Variants in MRPL32 observed in about 807,000 individuals in gnomAD.
MRPL32 encodes large ribosomal subunit protein bL32m.
A neutral mutation model predicts 21.7 loss-of-function variants in MRPL32; 14 were observed. The ratio of observed to expected loss-of-function variants is 0.64; its 90% CI spans 0.43 to 1.01. The LOEUF (loss-of-function observed/expected upper bound fraction) is 1.01. Among genes scored for constraint, MRPL32 ranks in the 50% least tolerant of loss-of-function variants. MRPL32 has a pLI of 0.00. For synonymous variants in MRPL32, 83 were observed against 87.7 expected, an observed-to-expected ratio of 0.95 and a Z score of 0.30; for missense variants, 211 against 235.9, an observed-to-expected ratio of 0.89 and a Z score of 0.69.
Position 42,934,267 on chromosome 7 carries a change from C to CA in MRPL32, c.131-671dup, listed in dbSNP as rs3028763. Among the ~76,000 whole-genome samples, 37 of 124,846 alleles carry CA rather than the reference C, an allele frequency of 3.0e-4. No individual in the cohort carries two copies. The East Asian group carries it at 6.3e-3, about 21-fold the overall frequency. The allele number at this position is 124,846 out of a possible 152,430, so 81.9% of individuals were successfully genotyped here. On this transcript the variant is annotated intron_variant, in intron 1 of 2. Coordinates refer to ENST00000223324, the MANE Select transcript of MRPL32 (RefSeq NM_031903.3). ...TGAGTGACAGAGTGAGACTCAGTCT[C>CA]AAAAAAAAAAAAAAAAAGTATGGCA...
intron 2 of MRPL32, chr7:42,936,182 C>G (rs529598487): frequency 6.6e-6 from 1 of 152,280 alleles, no homozygotes; most frequent in Non-Finnish European, 1.5e-5. Context: ...TAAATTTGCT[C>G]AAGAGGACGT....
At chr7:42,937,066 C>G (rs1786437271) in intron 2 of MRPL32, 2 of 690,642 alleles carry the variant, frequency 2.9e-6, no homozygotes, top group Admixed American at 4.6e-5. Flanking sequence ...TTTTACATAA[C>G]TACAACTGCT....
chr7:42,937,577 C>T lies in MRPL32; in HGVS notation c.*1C>T. On this transcript the variant is annotated 3_prime_UTR_variant, in exon 3 of 3. Coordinates refer to ENST00000223324, the MANE Select transcript of MRPL32 (RefSeq NM_031903.3). ...ACCATCCTGGTTCACCCAGAATTGA[C>T]ACCAAAGATGTTAAAAGGGTAACTT... 1 of 1,597,248 alleles carries T rather than the reference C, an allele frequency of 6.3e-7. No individual in the cohort carries two copies. The highest frequency in any genetic ancestry group is 1.9e-4 in the Middle Eastern group (1 of 5,290).
intron 2 of MRPL32, 56 bp from the exon 3 acceptor site, chr7:42,937,266 T>C: frequency 6.2e-7 from 1 of 1,611,914 alleles, no homozygotes; most frequent in East Asian, 2.2e-5. Flanking sequence ...TGTCAGTGGT[T>C]ATTTGTTCGT....
At position 42,934,936 on chromosome 7, in the gene MRPL32, C is replaced by T. The variant is rs1488907230; in HGVS notation, c.131-19C>T. 6.5e-7 allele frequency: 1 copy of T among 1,530,172 alleles called. No homozygotes were observed. The highest frequency in any genetic ancestry group is 8.8e-7 in the Non-Finnish European group (1 of 1,141,386). 94.8% of individuals were successfully genotyped at this position (1,530,172 alleles called of 1,614,324 possible). On this transcript the variant is annotated intron_variant, in intron 1 of 2. Coordinates refer to ENST00000223324, the MANE Select transcript of MRPL32 (RefSeq NM_031903.3). ...GAAGCTAGAAACTAATTCTGTATCT[C>T]TTATGTTTTATTTCCTAGGACCAGC...
At chr7:42,937,026 G>C in intron 2 of MRPL32, 1 of 452,854 alleles carries the variant, frequency 2.2e-6, no homozygotes, top group South Asian at 1.9e-5. Context: ...AGTATTTGGA[G>C]TTAGGGGAAA....
rs1786402955 is a variant in MRPL32 at position 42,935,039 on chromosome 7, T to C, written c.215T>C (p.Leu72Ser). The part of the protein sequence containing the change: ...TSGSKENSSL[L>S]DSIFWMAAPK... ...GGAAGTAAAGAGAATTCCAGCCTTT[T>C]GGACAGTATCTTTTGGATGGCAGCT... The change falls in exon 2 of 3, where the codon TTG becomes TCG. Residue 72 changes from leucine to serine, a missense_variant. By Grantham distance (145) the Leu-to-Ser change is moderately radical. This residue lies in a region of MRPL32 where 130 missense variants were observed against 180.1 expected (regional missense o/e 0.72). Coordinates refer to ENST00000223324, the MANE Select transcript of MRPL32 (RefSeq NM_031903.3). The C allele has an allele frequency of 1.2e-6, 2 of 1,614,036 alleles. No homozygotes were observed. Among genetic ancestry groups the C allele is most frequent in the African/African-American group, 2.7e-5 (2 of 74,926 alleles).
At chr7:42,932,830 A>G (rs922398037) in intron 1 of MRPL32, among the ~76,000 whole-genome samples, 1 of 76,576 alleles carries the variant, frequency 1.3e-5, no homozygotes, top group Non-Finnish European at 3.8e-5. Context: ...TTCAGTAACT[A>G]CTGCAGGTAA....
intron 1 of MRPL32, among the ~76,000 whole-genome samples, 185 bp downstream of exon 1, chr7:42,932,701 C>A (rs1265456521): frequency 3.7e-5 from 5 of 134,622 alleles, no homozygotes; most frequent in African/African-American, 1.4e-4. Context: ...CCCTCCACCG[C>A]AAAAAAAAAA....
intron 1 of MRPL32, 151 bp downstream of exon 1, chr7:42,932,667 G>T: frequency 4.7e-6 from 3 of 641,132 alleles, no homozygotes; most frequent in African/African-American, 2.0e-5. Context: ...ATATTAGCGA[G>T]AACAGAACGA....
At chr7:42,935,575 A>G (rs1415610090) in intron 2 of MRPL32, 1 of 153,408 alleles carries the variant, frequency 6.5e-6, no homozygotes, top group Non-Finnish European at 1.5e-5. Context: ...ATTTCCAACA[A>G]AATACCATGA....
In MRPL32 at chr7:42,932,452, C is replaced by G; in HGVS notation, c.66C>G (p.Asn22Lys). The G allele has an allele frequency of 6.2e-7, 1 of 1,612,642 alleles. No individual in the cohort carries two copies. Among genetic ancestry groups the G allele is most frequent in the Non-Finnish European group, 8.5e-7 (1 of 1,178,938 alleles). ...CTGCGGCCCGGGGAGTGCTTCGAAA[C>G]TACTGGGAGCGACTGCTACGGAAGC... ...PWSAARGVLR[N>K]YWERLLRKLP... Residue 22 changes from asparagine to lysine, a missense_variant, in exon 1 of 3, where the codon AAC (asparagine) becomes AAG (lysine). Asn to Lys is a moderately conservative substitution (Grantham distance 94). This residue lies in a region of MRPL32 where 81 missense variants were observed against 55.8 expected (regional missense o/e 1.45). Transcript: ENST00000223324.
In MRPL32 at chr7:42,937,433, G is replaced by A. The variant is rs937839830; in HGVS notation, c.424G>A (p.Gly142Arg). 4 of 1,614,054 alleles carry A rather than the reference G, an allele frequency of 2.5e-6. No homozygotes were observed. The highest frequency in any genetic ancestry group is 1.3e-5 in the African/African-American group (1 of 74,920). ...KETAEIRRQI[G>R]KQEGGPFKAP... ...GACTGCAGAAATCAGACGACAGATA[G>A]GGAAGCAAGAAGGGGGCCCTTTTAA... is the stretch of plus-strand genomic sequence containing the variant. Residue 142 changes from glycine to arginine, a missense_variant, in exon 3 of 3, where the codon GGG becomes AGG. This residue lies in a region of MRPL32 where 130 missense variants were observed against 180.1 expected (regional missense o/e 0.72). Coordinates refer to ENST00000223324, the MANE Select transcript of MRPL32 (RefSeq NM_031903.3).
At chr7:42,937,258 T>A in intron 2 of MRPL32, 64 bp from the exon 3 acceptor site, 1 of 1,611,500 alleles carries the variant, frequency 6.2e-7, no homozygotes, top group Non-Finnish European at 8.5e-7. Context: ...ATTGCTCCTG[T>A]CAGTGGTTAT....
At chr7:42,932,645 C>A in intron 1 of MRPL32, 129 bp downstream of exon 1, 1 of 951,884 alleles carries the variant, frequency 1.1e-6, no homozygotes, top group Non-Finnish European at 1.4e-6. Flanking sequence ...GGACGTAGTT[C>A]GTGACATTCC....
chr7:42,937,278 A>G (rs1421013139), intron 2 of MRPL32, 44 bp from the exon 3 acceptor site: 4 of 1,612,334 alleles, frequency 2.5e-6, no homozygotes, highest in Non-Finnish European at 3.4e-6. Flanking sequence ...TTTGTTCGTT[A>G]TATTGCCTCA....
chr7:42,932,399 A>T lies in MRPL32; in HGVS notation c.13A>T (p.Met5Leu). The change falls in exon 1 of 3, where the codon ATG (methionine) becomes TTG (leucine). Residue 5 changes from methionine (M) to leucine (L), a missense_variant. Coordinates refer to ENST00000223324, the MANE Select transcript of MRPL32 (RefSeq NM_031903.3). Reference protein sequence around the residue: MALAMLVLVVSPWSA... With the variant: MALALLVLVVSPWSA... The stretch of plus-strand genomic sequence containing the variant: ...TCCAGCAGGGAAAATGGCGCTGGCC[A>T]TGCTGGTCTTGGTGGTTTCGCCGTG... 15 of 1,606,374 alleles carry T rather than the reference A, an allele frequency of 9.3e-6. No homozygotes were observed. The highest frequency in any genetic ancestry group is 1.2e-5 in the Non-Finnish European group (14 of 1,175,236).
chr7:42,937,793 CA>C lies in MRPL32; in HGVS notation c.*219del. ...CAATGGATTATGTTTCTATTATATA[CA>C]AGGTTTTAAGTAAACATAAAATTTC... On this transcript the variant is annotated 3_prime_UTR_variant, in exon 3 of 3. Coordinates refer to ENST00000223324, the MANE Select transcript of MRPL32 (RefSeq NM_031903.3). 2.5e-6 allele frequency: 1 copy of C among 402,502 alleles called. No homozygotes were observed. Among genetic ancestry groups the C allele is most frequent in the Admixed American group, 4.2e-5 (1 of 24,034 alleles). The allele number at this position is 402,502 out of a possible 1,614,324, so 24.9% of individuals were successfully genotyped here.
chr7:42,932,701 C>CA (rs148378814), intron 1 of MRPL32, among the ~76,000 whole-genome samples, 185 bp downstream of exon 1: 66 of 134,644 alleles, frequency 4.9e-4, no homozygotes, highest in African/African-American at 1.7e-3. Flanking sequence ...CCCTCCACCG[C>CA]AAAAAAAAAA....
Sources: gnomAD v4.1 joint callset for allele counts (sites outside exome capture counted in the v4.1 genomes callset) on GRCh38, gnomAD v4.1.1 for gene constraint, gnomAD v4.1.1 regional missense constraint, MANE v1.5 for transcripts, NCBI Gene and HGNC (gene_info 2026-07-23, HGNC 2026-07-21) for gene names.